Variants in SLC22A3 observed in about 807,000 individuals in gnomAD.
SLC22A3 encodes EMT organic cation transporter 3.
Under a neutral mutation model 59.1 loss-of-function variants are expected in SLC22A3, and 51 were observed. The ratio of observed to expected loss-of-function variants is 0.86; its 90% confidence interval spans 0.69 to 1.09. SLC22A3 has a LOEUF of 1.09. Ranked by LOEUF, SLC22A3 falls within the 50% of genes least tolerant of loss-of-function variation. The pLI, the probability that SLC22A3 is intolerant of heterozygous loss-of-function variation, is 0.00. For synonymous variants in SLC22A3, 325 were observed against 292.0 expected, an observed-to-expected ratio of 1.11 and a Z score of -1.15; for missense variants, 711 against 726.3, an observed-to-expected ratio of 0.98 and a Z score of 0.24.
chr6:160,434,045 G>A (rs1788252227), intron 5 of SLC22A3, among the ~76,000 whole-genome samples: 2 of 152,206 alleles, frequency 1.3e-5, no homozygotes, highest in South Asian at 4.1e-4. Context: ...AGAGAGAAGA[G>A]TCTGAGACTG....
rs184201593 is a variant in SLC22A3, at chr6:160,442,187, A to G, written c.1289-574A>G. Among the ~76,000 whole-genome samples, 532 of 152,342 alleles carry G rather than the reference A, an allele frequency of 3.5e-3. 2 individuals carry two copies. The highest frequency in any genetic ancestry group is 5.5e-3 in the Non-Finnish European group (372 of 68,022). ...AGTAGTACAATGGGGGATGAAGAAG[A>G]CAATGAGTGACATTTGCCTTAGTGG... is the stretch of plus-strand genomic sequence containing the variant. On this transcript the variant is annotated intron_variant, in intron 7 of 10. Transcript: ENST00000275300.
intron 5 of SLC22A3, among the ~76,000 whole-genome samples, chr6:160,436,169 C>G (rs1788328239): frequency 6.6e-6 from 1 of 152,136 alleles, no homozygotes; most frequent in Admixed American, 6.5e-5. Flanking sequence ...AGACTGGAGG[C>G]AGGATGTGGG....
chr6:160,430,624 ATAGCAATTCAGC>A (rs1482018104), intron 5 of SLC22A3, among the ~76,000 whole-genome samples: 5 of 152,346 alleles, frequency 3.3e-5, no homozygotes, highest in Non-Finnish European at 4.4e-5. Context: ...AATAGGGCAA[ATAGCAATTCAGC>A]TCATTAAATA....
chr6:160,420,703 G>C (rs1787693884), intron 5 of SLC22A3, among the ~76,000 whole-genome samples: 1 of 152,232 alleles, frequency 6.6e-6, no homozygotes, highest in Non-Finnish European at 1.5e-5. Context: ...AAACTGGGTA[G>C]AGCTGTTCCC....
intron 1 of SLC22A3, among the ~76,000 whole-genome samples, chr6:160,384,492 C>T (rs547597542): frequency 5.3e-5 from 8 of 152,178 alleles, no homozygotes; most frequent in East Asian, 3.9e-4. Flanking sequence ...GTGAGGAAGG[C>T]GGGAGACAGG....
intron 1 of SLC22A3, among the ~76,000 whole-genome samples, chr6:160,349,235 C>T (rs937577113): frequency 1.3e-5 from 2 of 152,192 alleles, no homozygotes; most frequent in Non-Finnish European, 2.9e-5. Flanking sequence ...CGATAGGGAA[C>T]TTCAGTCTCT....
At chr6:160,448,909 T>C (rs1788848192) in intron 10 of SLC22A3, among the ~76,000 whole-genome samples, 1 of 152,162 alleles carries the variant, frequency 6.6e-6, no homozygotes, top group African/African-American at 2.4e-5. Context: ...TAAAAAATGA[T>C]GTAACAGCTA....
At chr6:160,419,032 G>T (rs1470162952) in intron 5 of SLC22A3, among the ~76,000 whole-genome samples, 1 of 152,076 alleles carries the variant, frequency 6.6e-6, no homozygotes, top group Non-Finnish European at 1.5e-5. Flanking sequence ...ATGTTTATGT[G>T]ACATCAGGAA....
chr6:160,405,062 AT>A (rs1786956175), intron 2 of SLC22A3, among the ~76,000 whole-genome samples: 1 of 152,248 alleles, frequency 6.6e-6, no homozygotes, highest in South Asian at 2.1e-4. Context: ...CTTCATTAAA[AT>A]TGAAATTTTC....
In SLC22A3 at chr6:160,410,864, G is replaced by A. The variant is rs775015314; in HGVS notation, c.975+18G>A. 7 of 1,449,898 alleles carry A rather than the reference G, an allele frequency of 4.8e-6. No individual in the cohort carries two copies. The Admixed American group carries it at 1.0e-4, about 21-fold the overall frequency. The allele number at this position is 1,449,898 out of a possible 1,614,324, so 89.8% of individuals were successfully genotyped here. ...ACTCAGAGGTAATTTCTTTCAGTAT[G>A]AGTAACAAATATTGCTAAAGCTGGT... On this transcript the variant is annotated intron_variant, in intron 5 of 10. Transcript: ENST00000275300.
At chr6:160,417,126 A>T (rs1787529345) in intron 5 of SLC22A3, among the ~76,000 whole-genome samples, 2 of 152,198 alleles carry the variant, frequency 1.3e-5, no homozygotes, top group Admixed American at 6.5e-5. Flanking sequence ...TCTGTAGGCA[A>T]TATACTTCCC....
At chr6:160,417,375 G>A (rs1787542549) in intron 5 of SLC22A3, among the ~76,000 whole-genome samples, 1 of 152,158 alleles carries the variant, frequency 6.6e-6, no homozygotes, top group Non-Finnish European at 1.5e-5. Flanking sequence ...CTGCTGTATG[G>A]GACATGGCCA....
intron 1 of SLC22A3, among the ~76,000 whole-genome samples, chr6:160,359,200 C>T (rs1583442295): frequency 6.6e-6 from 1 of 152,146 alleles, no homozygotes; most frequent in Non-Finnish European, 1.5e-5. Flanking sequence ...AAAGAAAATA[C>T]TCCCCCAACC....
At chr6:160,354,934 G>T (rs184569293) in intron 1 of SLC22A3, among the ~76,000 whole-genome samples, 1 of 152,290 alleles carries the variant, frequency 6.6e-6, no homozygotes, top group Non-Finnish European at 1.5e-5. Flanking sequence ...TGTTGGGGAA[G>T]TGAATGTGGA....
intron 5 of SLC22A3, among the ~76,000 whole-genome samples, chr6:160,411,732 A>G (rs959109960): frequency 1.3e-5 from 2 of 152,188 alleles, no homozygotes; most frequent in African/African-American, 2.4e-5. Flanking sequence ...ACAGATCAAG[A>G]TGCTGTCTCT....
chr6:160,418,499 TC>T (rs1465867089), intron 5 of SLC22A3, among the ~76,000 whole-genome samples: 4 of 152,170 alleles, frequency 2.6e-5, no homozygotes, highest in Non-Finnish European at 5.9e-5. Context: ...GAGCCAATTC[TC>T]CTAATAAACT....
chr6:160,427,523 C>T (rs1583503721), intron 5 of SLC22A3, among the ~76,000 whole-genome samples: 1 of 152,224 alleles, frequency 6.6e-6, no homozygotes, highest in African/African-American at 2.4e-5. Context: ...CCACACCCAA[C>T]AGCTGGAACA....
chr6:160,432,096 G>A (rs1012642365), intron 5 of SLC22A3, among the ~76,000 whole-genome samples: 1 of 152,196 alleles, frequency 6.6e-6, no homozygotes, highest in South Asian at 2.1e-4. Context: ...GATTTCTTCA[G>A]GAACTTCTGA....
chr6:160,413,219 C>G (rs1787328779), intron 5 of SLC22A3, among the ~76,000 whole-genome samples: 1 of 152,114 alleles, frequency 6.6e-6, no homozygotes, highest in African/African-American at 2.4e-5. Flanking sequence ...CATGAGTGTA[C>G]AGTTTAGCAC....
Sources: gnomAD v4.1 joint callset for allele counts (sites outside exome capture counted in the v4.1 genomes callset) on GRCh38, gnomAD v4.1.1 for gene constraint, MANE v1.5 for transcripts, NCBI Gene and HGNC (gene_info 2026-07-23, HGNC 2026-07-21) for gene names.